Variants in SPARCL1 observed in about 807,000 individuals in gnomAD.
SPARCL1 encodes SPARC like 1.
A neutral mutation model predicts 67.1 loss-of-function variants in SPARCL1; 52 were observed. That is an observed-to-expected ratio of 0.78 (90% confidence interval 0.62 to 0.98). The LOEUF is 0.98. Ranked by LOEUF, SPARCL1 falls within the 50% of genes least tolerant of loss-of-function variation. The pLI, the probability that SPARCL1 is intolerant of heterozygous loss-of-function variation, is 0.00. For missense variants in SPARCL1, 717 were observed against 782.4 expected (o/e 0.92, Z 1.00); for synonymous variants, 226 against 267.8 (o/e 0.84, Z 1.52).
At chr4:87,509,159 TAGG>T (rs944396481) in intron 1 of SPARCL1, among the ~76,000 whole-genome samples, 1 of 151,428 alleles carries the variant, frequency 6.6e-6, no homozygotes, top group African/African-American at 2.4e-5. Context: ...GAAAGAGAGA[TAGG>T]AGGCATTTTT....
intron 1 of SPARCL1, among the ~76,000 whole-genome samples, chr4:87,507,245 CA>C (rs1221264971): frequency 6.6e-6 from 1 of 152,192 alleles, no homozygotes; most frequent in Admixed American, 6.5e-5. Context: ...TAAGAATTAT[CA>C]AACGTGTTTT....
intron 7 of SPARCL1, among the ~76,000 whole-genome samples, chr4:87,484,196 T>C (rs975131307): frequency 4.6e-5 from 7 of 152,218 alleles, no homozygotes; most frequent in African/African-American, 1.7e-4. Flanking sequence ...AGTTTTCTTC[T>C]AGGGTTTTTA....
intron 8 of SPARCL1, 109 bp from the exon 9 acceptor site, chr4:87,480,629 A>C: frequency 1.0e-6 from 1 of 992,446 alleles, no homozygotes; most frequent in South Asian, 1.9e-5. Flanking sequence ...AGGGGAAAAC[A>C]AGCTCAGGAC....
intron 1 of SPARCL1, among the ~76,000 whole-genome samples, chr4:87,510,388 G>A (rs1356115899): frequency 6.6e-6 from 1 of 152,050 alleles, no homozygotes; most frequent in Non-Finnish European, 1.5e-5. Context: ...ATTCTCTCCC[G>A]ATTGGTTATT....
At chr4:87,474,860 A>G (rs1723509430) in intron 10 of SPARCL1, among the ~76,000 whole-genome samples, 1 of 149,814 alleles carries the variant, frequency 6.7e-6, no homozygotes, top group African/African-American at 2.5e-5. Context: ...CTCCTGCCTC[A>G]GCCTCCCGAG....
intron 2 of SPARCL1, among the ~76,000 whole-genome samples, chr4:87,496,929 A>G (rs1724643267): frequency 6.6e-6 from 1 of 152,192 alleles, no homozygotes. Flanking sequence ...GCTGAAATAC[A>G]GTGGTGATCT....
chr4:87,506,782 CATCTATCTATCTATCT>C lies in SPARCL1; in HGVS notation c.-11-7213_-11-7198del, dbSNP rs11412640. The stretch of plus-strand genomic sequence containing the variant: ...ATTATCTATATCTCTATCTATCTAT[CATCTATCTATCTATCT>C]ATCTATCTATCTATCTATCTATCTA... On this transcript the variant is annotated intron_variant, in intron 1 of 10. Transcript: ENST00000282470. Among the ~76,000 whole-genome samples the C allele has an allele frequency of 9.5e-3, 889 of 93,800 alleles. 16 individuals are homozygous for C. Among genetic ancestry groups the C allele is most frequent in the African/African-American group, 0.035 (844 of 24,110 alleles). 61.5% of individuals were successfully genotyped at this position (93,800 alleles called of 152,430 possible). A position where few individuals can be genotyped will look rare whatever the true frequency, so the allele number is the denominator to read the frequency against.
intron 7 of SPARCL1, among the ~76,000 whole-genome samples, chr4:87,488,328 T>C (rs1221617811): frequency 6.6e-6 from 1 of 152,208 alleles, no homozygotes; most frequent in East Asian, 1.9e-4. Context: ...TTCTGTTCAT[T>C]AGTTTTCCTT....
At chr4:87,503,683 C>CTTTTTTTTT (rs60057481) in intron 1 of SPARCL1, among the ~76,000 whole-genome samples, 2 of 138,056 alleles carry the variant, frequency 1.4e-5, no homozygotes, top group Admixed American at 7.2e-5. Context: ...TTTTTTTTTC[C>CTTTTTTTTT]TTTTTTTTTT....
At chr4:87,495,785 G>T (rs1214452713) in intron 2 of SPARCL1, among the ~76,000 whole-genome samples, 2 of 152,104 alleles carry the variant, frequency 1.3e-5, no homozygotes, top group African/African-American at 2.4e-5. Context: ...CAAAAAATTA[G>T]CTGGGTGTGG....
At position 87,516,622 on chromosome 4, in the gene SPARCL1, C is replaced by G. The variant is rs535311429; in HGVS notation, c.-12+12423G>C. On this transcript the variant is annotated intron_variant, in intron 1 of 10. Coordinates refer to ENST00000282470, the MANE Select transcript of SPARCL1 (RefSeq NM_004684.6). ...AGAACTACCATTCAGTGAGTGCTTC[C>G]TGACCATCCCTCTTTGCCACTGTGC... Among the ~76,000 whole-genome samples, 4 of 152,222 alleles carry G rather than the reference C, an allele frequency of 2.6e-5. No individual in the cohort carries two copies. In the South Asian group the frequency reaches 8.3e-4, roughly 32 times the overall value.
chr4:87,507,633 C>T (rs1725152531), intron 1 of SPARCL1, among the ~76,000 whole-genome samples: 1 of 152,154 alleles, frequency 6.6e-6, no homozygotes, highest in Non-Finnish European at 1.5e-5. Context: ...GATTTTTTGT[C>T]ATCAACATGC....
intron 4 of SPARCL1, among the ~76,000 whole-genome samples, chr4:87,492,216 G>A (rs62319120): frequency 6.6e-6 from 1 of 152,016 alleles, no homozygotes; most frequent in Non-Finnish European, 1.5e-5. Flanking sequence ...TCAGGAATTC[G>A]AGACCAGCCT....
chr4:87,494,606 G>GAA lies in SPARCL1; in HGVS notation c.202-10_202-9dup, dbSNP rs762497471. ...TACTGATGATTTTTCAGCCTTAAAA[G>GAA]AAAAAAAAGTTCATTCTTCAAACAA... On this transcript the variant is annotated splice_polypyrimidine_tract_variant and intron_variant, in intron 3 of 10. Transcript: ENST00000282470. 3.9e-6 allele frequency: 6 copies of GAA among 1,552,290 alleles called. No homozygotes were observed. The highest frequency in any genetic ancestry group is 5.2e-6 in the Non-Finnish European group (6 of 1,155,450).
chr4:87,486,183 G>C (rs575836940), intron 7 of SPARCL1, among the ~76,000 whole-genome samples: 119 of 152,186 alleles, frequency 7.8e-4, no homozygotes, highest in Non-Finnish European at 1.6e-3. Context: ...GATCTTTCCT[G>C]CTTTCTCTTA....
chr4:87,505,264 C>T (rs2110242832), intron 1 of SPARCL1, among the ~76,000 whole-genome samples: 1 of 152,226 alleles, frequency 6.6e-6, no homozygotes, highest in Admixed American at 6.5e-5. Context: ...TAAATTGCTG[C>T]TATCTTTTCC....
rs367630134 is a variant in SPARCL1, at chr4:87,490,396, A to G, written c.1411-3T>C. Reference sequence around the variant, plus strand: ...GTCTGATTGTCAGTGCCACAAACCTATGGAAGATAAGTAGAAGAAAAAGCT... The same window carrying G: ...GTCTGATTGTCAGTGCCACAAACCTGTGGAAGATAAGTAGAAGAAAAAGCT... On this transcript the variant is annotated splice_polypyrimidine_tract_variant and splice_region_variant and intron_variant, in intron 6 of 10. Coordinates refer to ENST00000282470, the MANE Select transcript of SPARCL1 (RefSeq NM_004684.6). 101 of 1,600,202 alleles carry G rather than the reference A, an allele frequency of 6.3e-5. No homozygotes were observed. The Middle Eastern group carries it at 6.7e-4, about 11-fold the overall frequency.
chr4:87,483,346 C>G (rs1723910413), intron 7 of SPARCL1, among the ~76,000 whole-genome samples: 1 of 152,168 alleles, frequency 6.6e-6, no homozygotes, highest in Non-Finnish European at 1.5e-5. Context: ...GTTTGGTTTT[C>G]TGTTCCTGTG....
chr4:87,481,335 C>T (rs1322693803), intron 8 of SPARCL1, among the ~76,000 whole-genome samples: 1 of 152,186 alleles, frequency 6.6e-6, no homozygotes, highest in Non-Finnish European at 1.5e-5. Flanking sequence ...TTTCCAGAAG[C>T]GTGCAAACAT....
Sources: gnomAD v4.1 joint callset for allele counts (sites outside exome capture counted in the v4.1 genomes callset) on GRCh38, gnomAD v4.1.1 for gene constraint, MANE v1.5 for transcripts, NCBI Gene and HGNC (gene_info 2026-07-23, HGNC 2026-07-21) for gene names.